The following FOXO1 variants were observed in gnomAD, a reference collection of about 807,000 sequenced individuals.
FOXO1 encodes forkhead box O1.
In FOXO1, 6 loss-of-function variants were observed where a neutral mutation model predicts 44.1. The ratio of observed to expected loss-of-function variants is 0.14; its 90% CI spans 0.07 to 0.27. FOXO1 has a LOEUF of 0.27. Among genes scored for constraint, FOXO1 ranks in the 10% least tolerant of loss-of-function variants. The pLI, the probability that FOXO1 is intolerant of heterozygous loss-of-function variation, is 1.00. For missense variants in FOXO1, 737 were observed against 888.8 expected, an observed-to-expected ratio of 0.83 and a Z score of 2.17; for synonymous variants, 380 against 362.7, an observed-to-expected ratio of 1.05 and a Z score of -0.54.
At chr13:40,616,468 G>A (rs1331353174) in intron 1 of FOXO1, among the ~76,000 whole-genome samples, 1 of 152,194 alleles carries the variant, frequency 6.6e-6, no homozygotes, top group South Asian at 2.1e-4. Context: ...TGAAGGATGA[G>A]ACGATGCTCA....
At chr13:40,616,262 G>A (rs907254482) in intron 1 of FOXO1, among the ~76,000 whole-genome samples, 1 of 152,014 alleles carries the variant, frequency 6.6e-6, no homozygotes, top group Non-Finnish European at 1.5e-5. Context: ...TGATAGTAAG[G>A]AGGATTTCTT....
Position 40,559,989 on chromosome 13 carries a change from T to C in FOXO1, c.1502A>G (p.Asn501Ser). 1 of 1,614,162 alleles carries C rather than the reference T, an allele frequency of 6.2e-7. No individual in the cohort carries two copies. Among genetic ancestry groups the C allele is most frequent in the Non-Finnish European group, 8.5e-7 (1 of 1,180,036 alleles). Residue 501 changes from asparagine to serine, a missense_variant, in exon 2 of 3, where the codon AAT becomes AGT. Around this residue, in one of 7 missense-constraint regions of FOXO1, gnomAD observed 283 missense variants for 278.1 expected, o/e 1.02. Coordinates refer to ENST00000379561, the MANE Select transcript of FOXO1 (RefSeq NM_002015.4). ...GCTGCCATAGGTTGACATGACCGAA[T>C]TAGGGCCCATCATGACGTTCTGGCC... ...VLGQNVMMGP[N>S]SVMSTYGSQA...
At chr13:40,619,708 A>G (rs2137900624) in intron 1 of FOXO1, 1 of 1,135,576 alleles carries the variant, frequency 8.8e-7, no homozygotes, top group Admixed American at 1.7e-5. Flanking sequence ...TTCAAGGGGG[A>G]AAAATTCAGC....
At chr13:40,604,359 T>C (rs1299684918) in intron 1 of FOXO1, among the ~76,000 whole-genome samples, 1 of 151,378 alleles carries the variant, frequency 6.6e-6, no homozygotes, top group Non-Finnish European at 1.5e-5. Context: ...CACTCAACTA[T>C]CTCATAATTA....
intron 1 of FOXO1, among the ~76,000 whole-genome samples, chr13:40,622,048 T>C (rs1876633213): frequency 6.6e-6 from 1 of 152,206 alleles, no homozygotes; most frequent in Non-Finnish European, 1.5e-5. Context: ...CAATCTGACT[T>C]ATTAGAAAGC....
At chr13:40,665,115 G>A (rs1198597547) in intron 1 of FOXO1, among the ~76,000 whole-genome samples, 1 of 150,962 alleles carries the variant, frequency 6.6e-6, no homozygotes. Flanking sequence ...GGGCAGCGAG[G>A]CTCCGGGGCC....
At chr13:40,640,877 G>C (rs1877328445) in intron 1 of FOXO1, among the ~76,000 whole-genome samples, 1 of 152,004 alleles carries the variant, frequency 6.6e-6, no homozygotes, top group Non-Finnish European at 1.5e-5. Context: ...TCTGCCTCCT[G>C]GGTTCAAGCC....
At chr13:40,620,741 T>C (rs886599253) in intron 1 of FOXO1, among the ~76,000 whole-genome samples, 3 of 151,654 alleles carry the variant, frequency 2.0e-5, no homozygotes, top group Admixed American at 6.6e-5. Flanking sequence ...AGGGGTAGCA[T>C]GTAGTTGCAA....
At chr13:40,634,468 G>C (rs2137915888) in intron 1 of FOXO1, among the ~76,000 whole-genome samples, 1 of 152,264 alleles carries the variant, frequency 6.6e-6, no homozygotes, top group African/African-American at 2.4e-5. Context: ...AAGTGTATTA[G>C]TAAGAAAAGT....
chr13:40,601,216 C>T (rs866297543), intron 1 of FOXO1, among the ~76,000 whole-genome samples: 4 of 152,224 alleles, frequency 2.6e-5, no homozygotes, highest in African/African-American at 7.2e-5. Flanking sequence ...AGATGAGGCA[C>T]GTATCTCTTC....
chr13:40,572,525 C>T (rs60340824), intron 1 of FOXO1, among the ~76,000 whole-genome samples: 114 of 152,280 alleles, frequency 7.5e-4, no homozygotes, highest in African/African-American at 2.6e-3. Flanking sequence ...GTAGGGTTTA[C>T]GTAGAATCTT....
In FOXO1 at chr13:40,597,084, G is replaced by A. The variant is rs564162096; in HGVS notation, c.631-36224C>T. ...TCTAATAAGAATGGACTGCTCTTTT[G>A]CTGTCAGTTTAGTATTGATCACACG... On this transcript the variant is annotated intron_variant, in intron 1 of 2. Coordinates refer to ENST00000379561, the MANE Select transcript of FOXO1 (RefSeq NM_002015.4). 1.4e-4 allele frequency among the ~76,000 whole-genome samples: 22 copies of A among 152,316 alleles called. No homozygotes were observed. The South Asian group carries it at 4.6e-3, about 32-fold the overall frequency.
chr13:40,646,651 T>C (rs1877520488), intron 1 of FOXO1, among the ~76,000 whole-genome samples: 9 of 152,208 alleles, frequency 5.9e-5, no homozygotes, highest in Admixed American at 5.9e-4. Flanking sequence ...TGGAGTGCAG[T>C]GGCGCAATCT....
intron 1 of FOXO1, among the ~76,000 whole-genome samples, chr13:40,586,734 C>T (rs1875181104): frequency 6.6e-6 from 1 of 152,164 alleles, no homozygotes; most frequent in South Asian, 2.1e-4. Flanking sequence ...GGAAATGTTA[C>T]TACTTAAACC....
intron 1 of FOXO1, among the ~76,000 whole-genome samples, chr13:40,638,688 G>C (rs1877243270): frequency 6.6e-6 from 1 of 152,200 alleles, no homozygotes; most frequent in Admixed American, 6.5e-5. Flanking sequence ...TCTGGGAGGA[G>C]GAGGAGGGGG....
chr13:40,586,074 G>C (rs17811138), intron 1 of FOXO1, among the ~76,000 whole-genome samples: 1 of 152,132 alleles, frequency 6.6e-6, no homozygotes, highest in Non-Finnish European at 1.5e-5. Context: ...ATGACACAAA[G>C]GTCTTGAAAG....
chr13:40,609,832 A>AT (rs1236363980), intron 1 of FOXO1, among the ~76,000 whole-genome samples: 1 of 151,990 alleles, frequency 6.6e-6, no homozygotes, highest in East Asian at 1.9e-4. Context: ...AAAATTCAGC[A>AT]TTTTTTCCAA....
chr13:40,660,909 A>G (rs1354885292), intron 1 of FOXO1, among the ~76,000 whole-genome samples: 5 of 151,816 alleles, frequency 3.3e-5, no homozygotes, highest in African/African-American at 1.2e-4. Context: ...AAGCCACTAC[A>G]CTCCAGCCTG....
chr13:40,610,021 A>G lies in FOXO1; in HGVS notation c.631-49161T>C, dbSNP rs541572943. 5.9e-4 allele frequency among the ~76,000 whole-genome samples: 90 copies of G among 152,312 alleles called. 1 individual carries two copies. Among genetic ancestry groups the G allele is most frequent in the Admixed American group, 1.2e-3 (18 of 15,298 alleles). On this transcript the variant is annotated intron_variant, in intron 1 of 2. Transcript: ENST00000379561. The stretch of plus-strand genomic sequence containing the variant: ...TTATTTAATGTATTGATAAAGAAGC[A>G]CATCTATTACCCTACGACAATTTTC...
Sources: allele counts gnomAD v4.1 joint callset (sites outside exome capture counted in the v4.1 genomes callset), GRCh38; gene constraint gnomAD v4.1.1; regional missense constraint gnomAD v4.1.1; transcripts MANE v1.5; gene names NCBI Gene and HGNC (gene_info 2026-07-23, HGNC 2026-07-21).